Variants in UMAD1 observed in about 807,000 individuals in gnomAD.
The protein encoded by UMAD1 is UBAP1-MVB12-associated (UMA) domain containing 1, also known as UBAP1-MVB12-associated (UMA)-domain containing protein 1.
UMAD1 carries 8 observed loss-of-function variants against 6.1 expected under a neutral mutation model. That is an observed-to-expected ratio of 1.30 (90% CI 0.76 to 2.35). The LOEUF (loss-of-function observed/expected upper bound fraction) is 2.35, where lower values mean the gene tolerates loss of function less well. UMAD1 is among the 30% of genes most tolerant of loss of function. The probability of loss-of-function intolerance (pLI) is 0.00; values close to 1 mark genes in which losing one functional copy is unlikely to be tolerated. For synonymous variants in UMAD1, 56 were observed against 31.4 expected (o/e 1.78, Z -2.61); for missense variants, 130 against 78.4 (o/e 1.66, Z -2.49).
chr7:7,695,775 G>A lies in UMAD1; in HGVS notation c.82+22322G>A, dbSNP rs545458514. On this transcript the variant is annotated intron_variant, in intron 2 of 3. Coordinates refer to ENST00000682710, the MANE Select transcript of UMAD1 (RefSeq NM_001302348.2). ...TGTATGTTGGGAATTATCTGTCAATGTGTCACCTTTAGGTTCTTTATTTTT... is the reference window on the plus strand; with the variant it reads ...TGTATGTTGGGAATTATCTGTCAATATGTCACCTTTAGGTTCTTTATTTTT... 1.8e-4 allele frequency among the ~76,000 whole-genome samples: 27 copies of A among 152,292 alleles called. No individual in the cohort carries two copies. The South Asian group carries it at 5.6e-3, about 32-fold the overall frequency.
intron 3 of UMAD1, among the ~76,000 whole-genome samples, chr7:7,876,604 A>T (rs1381998934): frequency 6.6e-6 from 1 of 152,168 alleles, no homozygotes; most frequent in East Asian, 1.9e-4. Flanking sequence ...ATCCTTTTTT[A>T]AAAAATTGCG....
At position 7,651,258 on chromosome 7, in the gene UMAD1, C is replaced by T. The variant is rs192590530; in HGVS notation, c.-64+10437C>T. ...AAATCCACAAAAGTATATGTTAGTA[C>T]TAGAGCTAATGTTGGAGAGTTCCCT... On this transcript the variant is annotated intron_variant, in intron 1 of 3. Coordinates refer to ENST00000682710, the MANE Select transcript of UMAD1 (RefSeq NM_001302348.2). 5.3e-5 allele frequency among the ~76,000 whole-genome samples: 8 copies of T among 152,266 alleles called. No homozygotes were observed. The East Asian group carries it at 1.5e-3, about 29-fold the overall frequency.
chr7:7,738,756 CA>C, intron 2 of UMAD1: 1 of 152,308 alleles, frequency 6.6e-6, no homozygotes, highest in Non-Finnish European at 1.5e-5. Flanking sequence ...AACCGATGCT[CA>C]AAAAATGGCA....
At chr7:7,777,574 AATATATATATATATATAT>A (rs58039932) in intron 2 of UMAD1, among the ~76,000 whole-genome samples, 2 of 113,552 alleles carry the variant, frequency 1.8e-5, no homozygotes, top group South Asian at 5.6e-4. Context: ...TACATGAGCA[AATATATATATATATATAT>A]ATATATATAT....
At chr7:7,779,303 G>A (rs1446728097) in intron 2 of UMAD1, among the ~76,000 whole-genome samples, 2 of 151,812 alleles carry the variant, frequency 1.3e-5, no homozygotes, top group African/African-American at 4.8e-5. Context: ...AAAAGAGATA[G>A]TCTAGCTCTG....
At chr7:7,846,353 A>G (rs1783781809) in intron 3 of UMAD1, among the ~76,000 whole-genome samples, 1 of 152,186 alleles carries the variant, frequency 6.6e-6, no homozygotes, top group African/African-American at 2.4e-5. Context: ...TCTACCACTG[A>G]ACTAACAGTT....
At chr7:7,791,487 AT>A (rs1782565996) in intron 2 of UMAD1, among the ~76,000 whole-genome samples, 1 of 152,242 alleles carries the variant, frequency 6.6e-6, no homozygotes, top group African/African-American at 2.4e-5. Flanking sequence ...ATAATACAGT[AT>A]TGTACAAATG....
intron 2 of UMAD1, among the ~76,000 whole-genome samples, chr7:7,769,158 G>A (rs192039520): frequency 6.6e-6 from 1 of 152,290 alleles, no homozygotes; most frequent in African/African-American, 2.4e-5. Context: ...CAGTCAAGCT[G>A]AGCTCCAGAT....
chr7:7,750,607 T>A (rs1781660294), intron 2 of UMAD1, among the ~76,000 whole-genome samples: 1 of 152,212 alleles, frequency 6.6e-6, no homozygotes, highest in Admixed American at 6.5e-5. Flanking sequence ...CTACTGTGTG[T>A]AAGGCACTGT....
intron 3 of UMAD1, among the ~76,000 whole-genome samples, chr7:7,839,273 A>G (rs561940689): frequency 1.0e-3 from 158 of 152,258 alleles, no homozygotes; most frequent in African/African-American, 3.7e-3. Context: ...AGGCAGGTGC[A>G]TAATCATGGC....
At chr7:7,660,497 A>T (rs552777758) in intron 1 of UMAD1, among the ~76,000 whole-genome samples, 2 of 152,278 alleles carry the variant, frequency 1.3e-5, no homozygotes, top group South Asian at 4.1e-4. Context: ...GGCAGGCCTC[A>T]TGGTGACAAA....
chr7:7,648,936 A>G (rs1785158696), intron 1 of UMAD1, among the ~76,000 whole-genome samples: 1 of 152,242 alleles, frequency 6.6e-6, no homozygotes, highest in Non-Finnish European at 1.5e-5. Flanking sequence ...AGGTGGGTGG[A>G]TCACCTGAGG....
At chr7:7,846,832 C>T (rs897221273) in intron 3 of UMAD1, among the ~76,000 whole-genome samples, 3 of 141,610 alleles carry the variant, frequency 2.1e-5, no homozygotes, top group African/African-American at 8.0e-5. Context: ...CGCATATTCT[C>T]ACTCATAGGT....
At chr7:7,645,766 T>C (rs2115545241) in intron 1 of UMAD1, among the ~76,000 whole-genome samples, 1 of 152,328 alleles carries the variant, frequency 6.6e-6, no homozygotes, top group South Asian at 2.1e-4. Context: ...TTATGATATA[T>C]TGTCTTTTAT....
intron 2 of UMAD1, among the ~76,000 whole-genome samples, chr7:7,740,362 C>G (rs1781438645): frequency 6.6e-6 from 1 of 152,218 alleles, no homozygotes; most frequent in Non-Finnish European, 1.5e-5. Flanking sequence ...TCTCCCCACC[C>G]AAATGGAATT....
chr7:7,644,579 C>T (rs1785054371), intron 1 of UMAD1, among the ~76,000 whole-genome samples: 1 of 152,146 alleles, frequency 6.6e-6, no homozygotes. Context: ...GATAAGTCTC[C>T]AATCTCTGTT....
chr7:7,813,325 C>T (rs1351463733), intron 3 of UMAD1, among the ~76,000 whole-genome samples: 1 of 152,150 alleles, frequency 6.6e-6, no homozygotes, highest in Non-Finnish European at 1.5e-5. Context: ...CTGCCTCAAC[C>T]TCCCAAGTAG....
At chr7:7,731,660 T>A (rs895549358) in intron 2 of UMAD1, among the ~76,000 whole-genome samples, 2 of 152,162 alleles carry the variant, frequency 1.3e-5, no homozygotes, top group African/African-American at 4.8e-5. Flanking sequence ...GCTGCCGCAA[T>A]AAAAGAGAGT....
At chr7:7,656,648 A>C (rs540136291) in intron 1 of UMAD1, among the ~76,000 whole-genome samples, 1 of 152,288 alleles carries the variant, frequency 6.6e-6, no homozygotes, top group East Asian at 1.9e-4. Context: ...ATATGAACTC[A>C]TTCTTTTTTA....
Sources: allele counts gnomAD v4.1 joint callset (sites outside exome capture counted in the v4.1 genomes callset), GRCh38; gene constraint gnomAD v4.1.1; transcripts MANE v1.5; gene names NCBI Gene and HGNC (gene_info 2026-07-23, HGNC 2026-07-21).